The following FMN2 variants were observed in gnomAD, a reference collection of about 807,000 sequenced individuals.
The protein encoded by FMN2 is formin 2.
In FMN2, 51 loss-of-function variants were observed where a neutral mutation model predicts 142.3. That is an observed-to-expected ratio of 0.36 (90% CI 0.29 to 0.45). The LOEUF is 0.45. Among genes scored for constraint, FMN2 ranks in the 20% least tolerant of loss-of-function variants. The pLI, the probability that FMN2 is intolerant of heterozygous loss-of-function variation, is 1.00. For missense variants in FMN2, 1,936 were observed against 2,122.8 expected, an observed-to-expected ratio of 0.91 and a Z score of 1.73; for synonymous variants, 882 against 869.8, an observed-to-expected ratio of 1.01 and a Z score of -0.25.
intron 6 of FMN2, among the ~76,000 whole-genome samples, chr1:240,253,781 G>A (rs1668358686): frequency 4.6e-5 from 7 of 152,144 alleles, no homozygotes; most frequent in Admixed American, 4.6e-4. Flanking sequence ...ATGTATCTGT[G>A]GTGTTGGTTT....
At chr1:240,123,971 G>A (rs1046364183) in intron 2 of FMN2, among the ~76,000 whole-genome samples, 1 of 152,196 alleles carries the variant, frequency 6.6e-6, no homozygotes, top group Non-Finnish European at 1.5e-5. Context: ...ATGTCCTTGA[G>A]ATTCATCCAT....
At chr1:240,251,977 C>T (rs914068989) in intron 6 of FMN2, among the ~76,000 whole-genome samples, 5 of 152,288 alleles carry the variant, frequency 3.3e-5, no homozygotes, top group African/African-American at 1.2e-4. Flanking sequence ...GACGCTATCT[C>T]GGCTCAGTGC....
rs1676136452 is a variant in FMN2 at position 240,453,769 on chromosome 1, C to CTCT, written c.5060+15559_5060+15560insTCT. On this transcript the variant is annotated intron_variant, in intron 16 of 17. Coordinates refer to ENST00000319653, the MANE Select transcript of FMN2 (RefSeq NM_020066.5). Reference sequence around the variant, plus strand: ...CTTTGGGAGGCCGAGGCGGGTGGATCATGAGGTCAGGAGATCGAGACCATC... The same window carrying CTCT: ...CTTTGGGAGGCCGAGGCGGGTGGATCTCTATGAGGTCAGGAGATCGAGACCATC... Among the ~76,000 whole-genome samples, 2 of 10,852 alleles carry CTCT rather than the reference C, an allele frequency of 1.8e-4. 1 individual carries two copies. Among genetic ancestry groups the CTCT allele is most frequent in the African/African-American group, 4.4e-4 (2 of 4,578 alleles). The allele number at this position is 10,852 out of a possible 152,430, so 7.1% of individuals were successfully genotyped here.
At chr1:240,260,083 C>A (rs575391672) in intron 7 of FMN2, among the ~76,000 whole-genome samples, 18 of 152,128 alleles carry the variant, frequency 1.2e-4, no homozygotes, top group Non-Finnish European at 2.6e-4. Context: ...GCCATTAATT[C>A]GTTCCTTTTT....
intron 13 of FMN2, among the ~76,000 whole-genome samples, chr1:240,352,336 C>A (rs1468849705): frequency 6.6e-6 from 1 of 152,168 alleles, no homozygotes; most frequent in Non-Finnish European, 1.5e-5. Context: ...AATCTCAGCA[C>A]TTTGGGAGGC....
chr1:240,361,526 C>T (rs1475536839), intron 14 of FMN2, among the ~76,000 whole-genome samples: 3 of 152,074 alleles, frequency 2.0e-5, no homozygotes, highest in African/African-American at 7.2e-5. Flanking sequence ...GACAGAATAG[C>T]TGTGAGGGAT....
chr1:240,440,060 A>G (rs952674017), intron 16 of FMN2, among the ~76,000 whole-genome samples: 1 of 152,198 alleles, frequency 6.6e-6, no homozygotes, highest in African/African-American at 2.4e-5. Flanking sequence ...TTTAGACATC[A>G]GCAAGATGGG....
At chr1:240,126,364 A>ACCCCCC (rs367989696) in intron 2 of FMN2, among the ~76,000 whole-genome samples, 2 of 129,618 alleles carry the variant, frequency 1.5e-5, no homozygotes, top group African/African-American at 5.8e-5. Context: ...CTTCCTACCT[A>ACCCCCC]CCCCCCCCCA....
intron 2 of FMN2, among the ~76,000 whole-genome samples, chr1:240,157,869 G>T (rs987214968): frequency 3.3e-5 from 5 of 151,350 alleles, no homozygotes; most frequent in Non-Finnish European, 5.9e-5. Flanking sequence ...AGACGTGGTG[G>T]CTCACTCCTG....
At chr1:240,270,249 C>T (rs898023424) in intron 7 of FMN2, among the ~76,000 whole-genome samples, 22 of 151,896 alleles carry the variant, frequency 1.4e-4, no homozygotes, top group African/African-American at 5.3e-4. Flanking sequence ...AACGAGTTTG[C>T]CAAGGATGTG....
chr1:240,319,156 G>A (rs1389993478), intron 8 of FMN2, among the ~76,000 whole-genome samples: 2 of 152,122 alleles, frequency 1.3e-5, no homozygotes, highest in African/African-American at 4.8e-5. Context: ...AGTGGGTTCA[G>A]CAGAGGGAGG....
intron 2 of FMN2, among the ~76,000 whole-genome samples, chr1:240,155,213 A>G (rs1180793362): frequency 3.9e-5 from 6 of 152,110 alleles, no homozygotes; most frequent in African/African-American, 7.2e-5. Context: ...TTCGATGAAG[A>G]TGATTTTCTG....
At chr1:240,240,420 A>G (rs1667853658) in intron 6 of FMN2, among the ~76,000 whole-genome samples, 1 of 152,232 alleles carries the variant, frequency 6.6e-6, no homozygotes, top group South Asian at 2.1e-4. Context: ...ACAACATAAT[A>G]ATAAATATGC....
At chr1:240,254,680 C>G (rs1668392978) in intron 6 of FMN2, among the ~76,000 whole-genome samples, 1 of 152,096 alleles carries the variant, frequency 6.6e-6, no homozygotes, top group African/African-American at 2.4e-5. Context: ...GGAGCTTGTG[C>G]TGTGGCTCCA....
At chr1:240,398,601 C>T (rs771132064) in intron 15 of FMN2, among the ~76,000 whole-genome samples, 3 of 152,056 alleles carry the variant, frequency 2.0e-5, no homozygotes, top group East Asian at 1.9e-4. Context: ...GACGTTTCTC[C>T]GAAGAAATAA....
chr1:240,176,056 A>G (rs981866333), intron 2 of FMN2, among the ~76,000 whole-genome samples: 6 of 152,096 alleles, frequency 3.9e-5, no homozygotes, highest in Admixed American at 6.5e-5. Flanking sequence ...ATTATGATAT[A>G]GTTCAGTTCA....
intron 8 of FMN2, among the ~76,000 whole-genome samples, chr1:240,305,996 C>G (rs542533359): frequency 6.8e-6 from 1 of 147,882 alleles, no homozygotes; most frequent in African/African-American, 2.5e-5. Flanking sequence ...GTCACCCAGG[C>G]TGGAGTGCGG....
intron 8 of FMN2, among the ~76,000 whole-genome samples, chr1:240,322,101 C>T (rs770517644): frequency 3.4e-4 from 52 of 151,952 alleles, no homozygotes; most frequent in Non-Finnish European, 5.6e-4. Context: ...CACAAAAAGC[C>T]GATTTTATAT....
At chr1:240,332,026 G>C (rs1671393263) in intron 11 of FMN2, among the ~76,000 whole-genome samples, 1 of 152,148 alleles carries the variant, frequency 6.6e-6, no homozygotes. Context: ...CGGAGACTGT[G>C]TCTCTGTGTA....
Sources: allele counts gnomAD v4.1 joint callset (sites outside exome capture counted in the v4.1 genomes callset), GRCh38; gene constraint gnomAD v4.1.1; transcripts MANE v1.5; gene names NCBI Gene and HGNC (gene_info 2026-07-23, HGNC 2026-07-21).